RAB27A: variants seen among roughly 807,000 people sequenced by gnomAD.
RAB27A encodes the protein ras-related protein Rab-27A.
RAB27A carries 17 observed loss-of-function variants against 20.8 expected under a neutral mutation model. The ratio of observed to expected loss-of-function variants is 0.82; its 90% CI spans 0.56 to 1.23. The LOEUF (loss-of-function observed/expected upper bound fraction) is 1.23. Ranked by LOEUF, RAB27A falls within the 50% of genes most tolerant of loss-of-function variation. The probability of loss-of-function intolerance (pLI) is 0.00; values close to 1 mark genes in which losing one functional copy is unlikely to be tolerated. For synonymous variants in RAB27A, 85 were observed against 92.8 expected (o/e 0.92, Z 0.48); for missense variants, 277 against 266.7 (o/e 1.04, Z -0.27).
In RAB27A at chr15:55,315,899, C is replaced by G. The variant is rs142342001; in HGVS notation, c.-233-1739G>C. The stretch of plus-strand genomic sequence containing the variant: ...GCCATTTGACCCAGCAATCCCATTA[C>G]TGGGTATATACCCAAAGGATTACAA... On this transcript the variant is annotated intron_variant, in intron 1 of 5. Coordinates refer to the RAB27A transcript ENST00000563262. Among the ~76,000 whole-genome samples, 327 of 152,306 alleles carry G rather than the reference C, an allele frequency of 2.1e-3. 1 individual carries two copies. Among genetic ancestry groups the G allele is most frequent in the African/African-American group, 7.5e-3 (313 of 41,564 alleles).
chr15:55,232,465 T>C (rs781649570), intron 3 of RAB27A, among the ~76,000 whole-genome samples: 3 of 152,110 alleles, frequency 2.0e-5, no homozygotes, highest in East Asian at 1.9e-4. Context: ...GTATGGCTCA[T>C]GCGCAGGAAA....
At chr15:55,221,132 T>C (rs1895549372) in intron 6 of RAB27A, among the ~76,000 whole-genome samples, 2 of 152,110 alleles carry the variant, frequency 1.3e-5, no homozygotes, top group African/African-American at 2.4e-5. Flanking sequence ...CCAGACAGGC[T>C]GTGGAATCCT....
At chr15:55,234,708 A>C in intron 3 of RAB27A, 74 bp downstream of exon 3, 1 of 1,494,208 alleles carries the variant, frequency 6.7e-7, no homozygotes, top group Non-Finnish European at 9.3e-7. Context: ...CCTAATTCCT[A>C]CAAAGTAAAC....
intron 2 of RAB27A, chr15:55,238,533 G>A (rs1263979382): frequency 6.6e-6 from 1 of 152,136 alleles, no homozygotes; most frequent in Non-Finnish European, 1.5e-5. Flanking sequence ...ATTATTCTGA[G>A]GATTCAATGA....
chr15:55,226,362 A>C (rs16976191), intron 5 of RAB27A, among the ~76,000 whole-genome samples: 9,610 of 152,110 alleles, frequency 0.063, 362 homozygotes, highest in South Asian at 0.14. Flanking sequence ...GGAGAGATTG[A>C]GTGAGAGGGA....
chr15:55,244,656 A>G (rs888721493), intron 2 of RAB27A, among the ~76,000 whole-genome samples: 6 of 152,232 alleles, frequency 3.9e-5, no homozygotes, highest in South Asian at 2.1e-4. Context: ...GAGTGTTCCT[A>G]TGTAGCTTAT....
intron 2 of RAB27A, among the ~76,000 whole-genome samples, chr15:55,242,769 C>G (rs1322805369): frequency 6.6e-6 from 1 of 152,006 alleles, no homozygotes; most frequent in Non-Finnish European, 1.5e-5. Context: ...AATTTCAGAC[C>G]TAGGAGTACC....
chr15:55,312,231 C>T lies in RAB27A; in HGVS notation c.-112+1808G>A, dbSNP rs565401921. Reference sequence around the variant, plus strand: ...GGGATGGAAGTCAGCGGCGGGTCTGCGACAGCGGCAAACAACAGGGGTGGA... The same window carrying T: ...GGGATGGAAGTCAGCGGCGGGTCTGTGACAGCGGCAAACAACAGGGGTGGA... On this transcript the variant is annotated intron_variant, in intron 2 of 5. Coordinates refer to the RAB27A transcript ENST00000563262. Among the ~76,000 whole-genome samples the T allele has an allele frequency of 3.1e-3, 465 of 152,182 alleles. 4 individuals are homozygous for T. The highest frequency in any genetic ancestry group is 4.8e-3 in the Non-Finnish European group (328 of 67,986).
At chr15:55,316,865 T>A (rs925365386) in intron 1 of RAB27A, among the ~76,000 whole-genome samples, 7 of 152,186 alleles carry the variant, frequency 4.6e-5, no homozygotes, top group African/African-American at 1.7e-4. Flanking sequence ...CTGCCTGAGA[T>A]GAAAAACGGC....
At chr15:55,221,731 T>A (rs1027070452) in intron 6 of RAB27A, among the ~76,000 whole-genome samples, 1 of 152,186 alleles carries the variant, frequency 6.6e-6, no homozygotes, top group African/African-American at 2.4e-5. Flanking sequence ...CTCCATTTCA[T>A]AGCCCTCATA....
intron 1 of RAB27A, among the ~76,000 whole-genome samples, chr15:55,275,243 C>T (rs1048087076): frequency 1.3e-5 from 2 of 150,424 alleles, no homozygotes; most frequent in Admixed American, 1.3e-4. Flanking sequence ...CAGAGTGAGA[C>T]TCCATCTAAC....
chr15:55,228,550 G>T (rs932606340), intron 5 of RAB27A, 59 bp downstream of exon 5: 1 of 1,245,430 alleles, frequency 8.0e-7, no homozygotes, highest in Non-Finnish European at 1.2e-6. Flanking sequence ...AGCATAAGAG[G>T]GCATTCTATA....
At chr15:55,215,684 G>A (rs1446368002) in intron 6 of RAB27A, among the ~76,000 whole-genome samples, 3 of 148,418 alleles carry the variant, frequency 2.0e-5, no homozygotes, top group Non-Finnish European at 3.0e-5. Context: ...ACCTCAGGTC[G>A]GGCGCGGTAG....
intron 2 of RAB27A, among the ~76,000 whole-genome samples, chr15:55,257,074 C>T (rs909247663): frequency 6.6e-6 from 1 of 152,074 alleles, no homozygotes; most frequent in Non-Finnish European, 1.5e-5. Flanking sequence ...AAGAGAACAC[C>T]AAAGAATAAA....
chr15:55,240,287 AAAC>A (rs1002863559), intron 2 of RAB27A, among the ~76,000 whole-genome samples: 43 of 152,240 alleles, frequency 2.8e-4, no homozygotes, highest in African/African-American at 9.4e-4. Flanking sequence ...TGGGGCACCC[AAAC>A]AACGTTGTAT....
Position 55,244,175 on chromosome 15 carries a change from G to A in RAB27A, c.-22-9219C>T, listed in dbSNP as rs147942777. ...AATACAAAAATACAAATGGCTAGGC[G>A]TGGTGATGGGTGCCTGTAATCCCAG... is the stretch of plus-strand genomic sequence containing the variant. On this transcript the variant is annotated intron_variant, in intron 2 of 6. Transcript: ENST00000336787. 3.5e-3 allele frequency among the ~76,000 whole-genome samples: 534 copies of A among 152,088 alleles called. 2 individuals carry two copies. Among genetic ancestry groups the A allele is most frequent in the Non-Finnish European group, 5.0e-3 (338 of 67,964 alleles).
chr15:55,313,245 A>T (rs2055028835), intron 2 of RAB27A, among the ~76,000 whole-genome samples: 1 of 152,120 alleles, frequency 6.6e-6, no homozygotes, highest in Admixed American at 6.5e-5. Context: ...GTGAGACCCC[A>T]TTTCTACAAA....
chr15:55,228,457 C>T (rs1895895541), intron 5 of RAB27A, 152 bp downstream of exon 5: 1 of 658,786 alleles, frequency 1.5e-6, no homozygotes, highest in South Asian at 1.8e-5. Context: ...TTTCAATTAT[C>T]TTTGTCCCTA....
intron 3 of RAB27A, among the ~76,000 whole-genome samples, chr15:55,230,979 C>T (rs575430238): frequency 6.6e-6 from 1 of 152,282 alleles, no homozygotes; most frequent in African/African-American, 2.4e-5. Context: ...TCCCTTCCCC[C>T]TTTTGGAGTC....
Sources: gnomAD v4.1 joint callset for allele counts (sites outside exome capture counted in the v4.1 genomes callset) on GRCh38, gnomAD v4.1.1 for gene constraint, MANE v1.5 for transcripts, NCBI Gene and HGNC (gene_info 2026-07-23, HGNC 2026-07-21) for gene names.